CD6: variants seen among roughly 807,000 people sequenced by gnomAD.
CD6 encodes the protein T-cell differentiation antigen CD6.
CD6 carries 53 observed loss-of-function variants against 75.3 expected under a neutral mutation model. That is an observed-to-expected ratio of 0.70 (90% confidence interval 0.56 to 0.88). The LOEUF is 0.88. Ranked by LOEUF, CD6 falls within the 40% of genes least tolerant of loss-of-function variation. The probability of loss-of-function intolerance (pLI) is 0.00; values close to 1 mark genes in which losing one functional copy is unlikely to be tolerated. For missense variants in CD6, 770 were observed against 897.1 expected (o/e 0.86, Z 1.81); for synonymous variants, 359 against 381.5 (o/e 0.94, Z 0.69).
chr11:60,973,205 C>G (rs951895998), intron 1 of CD6, among the ~76,000 whole-genome samples: 1 of 152,214 alleles, frequency 6.6e-6, no homozygotes, highest in Non-Finnish European at 1.5e-5. Flanking sequence ...AGGGGCTGAG[C>G]TAGGCATTGG....
chr11:61,005,184 A>G (rs1167115331), intron 1 of CD6, among the ~76,000 whole-genome samples: 1 of 152,230 alleles, frequency 6.6e-6, no homozygotes, highest in African/African-American at 2.4e-5. Flanking sequence ...GGACTTATTT[A>G]CAGAAGAACT....
At chr11:61,016,766 G>A (rs568155066) in intron 9 of CD6, 2 of 152,478 alleles carry the variant, frequency 1.3e-5, no homozygotes, top group Middle Eastern at 3.4e-3. Flanking sequence ...ATAAAAGCCA[G>A]AATGGATATT....
chr11:61,016,828 G>C (rs1450627461), intron 9 of CD6: 1 of 152,470 alleles, frequency 6.6e-6, no homozygotes, highest in Non-Finnish European at 1.5e-5. Context: ...GCTTCTGGGG[G>C]TGGGACACGG....
In CD6 at chr11:60,975,006, G is replaced by T. The variant is rs1458800877; in HGVS notation, c.49+3092G>T. ...GCTCTGGCTGGCGAGGTCCTCGAGG[G>T]CTGCCTTTGTGTATGAAAAGGCTGT... On this transcript the variant is annotated intron_variant, in intron 1 of 12. Coordinates refer to ENST00000313421, the MANE Select transcript of CD6 (RefSeq NM_006725.5). 2.0e-5 allele frequency among the ~76,000 whole-genome samples: 3 copies of T among 152,266 alleles called. No homozygotes were observed. The South Asian group carries it at 6.2e-4, about 32-fold the overall frequency.
chr11:61,001,593 G>A (rs566259759), intron 1 of CD6, among the ~76,000 whole-genome samples: 2 of 145,782 alleles, frequency 1.4e-5, no homozygotes, highest in Non-Finnish European at 3.1e-5. Context: ...CATATAAATC[G>A]TCCCTTTAGG....
chr11:60,994,059 G>A (rs1193346576), intron 1 of CD6, among the ~76,000 whole-genome samples: 3 of 152,190 alleles, frequency 2.0e-5, no homozygotes, highest in Admixed American at 2.0e-4. Flanking sequence ...ACAGAGAGGA[G>A]GGGAGATGAA....
chr11:61,019,352 G>C lies in CD6; in HGVS notation c.*34G>C. The C allele has an allele frequency of 6.4e-7, 1 of 1,566,984 alleles. No homozygotes were observed. On this transcript the variant is annotated 3_prime_UTR_variant, in exon 13 of 13. Transcript: ENST00000313421. ...CAGCCGAGGCTCCTGGGGTGGCTCTGACCCTCTGGCCTCCTGCTCTACCTA... is the reference window on the plus strand; with the variant it reads ...CAGCCGAGGCTCCTGGGGTGGCTCTCACCCTCTGGCCTCCTGCTCTACCTA...
At chr11:60,984,826 A>C (rs1049479414) in intron 1 of CD6, among the ~76,000 whole-genome samples, 1 of 152,204 alleles carries the variant, frequency 6.6e-6, no homozygotes, top group African/African-American at 2.4e-5. Flanking sequence ...GCAGGGGCGG[A>C]GGCCCTGAGG....
intron 7 of CD6, among the ~76,000 whole-genome samples, 163 bp from the exon 8 acceptor site, chr11:61,013,756 G>A (rs1433228882): frequency 2.0e-5 from 3 of 152,190 alleles, no homozygotes; most frequent in African/African-American, 7.2e-5. Flanking sequence ...CTGTGCATGT[G>A]TGTGTGTGCC....
At chr11:60,982,489 C>A in intron 1 of CD6, 1 of 435,998 alleles carries the variant, frequency 2.3e-6, no homozygotes, top group Non-Finnish European at 4.6e-6. Flanking sequence ...TCACCTCTTT[C>A]AGGAGGGGTG....
Position 61,016,126 on chromosome 11 carries a change from A to G in CD6, c.1510+291A>G, listed in dbSNP as rs1859393765. ...AGACCAGGCCTTTGACATTCACCTG[A>G]AGATGGCTCTCTGTGTGAGAGCGGG... On this transcript the variant is annotated intron_variant, in intron 9 of 12. Transcript: ENST00000313421. Among the ~76,000 whole-genome samples the G allele has an allele frequency of 2.0e-5, 3 of 152,196 alleles. No individual in the cohort carries two copies. The South Asian group carries it at 6.2e-4, about 31-fold the overall frequency.
At chr11:60,987,701 G>T (rs978840757) in intron 1 of CD6, among the ~76,000 whole-genome samples, 2 of 148,418 alleles carry the variant, frequency 1.3e-5, no homozygotes, top group African/African-American at 4.9e-5. Flanking sequence ...TTTGGCAAAG[G>T]CCTGGAAAGA....
At chr11:60,975,181 A>C (rs900112065) in intron 1 of CD6, among the ~76,000 whole-genome samples, 15 of 152,226 alleles carry the variant, frequency 9.9e-5, no homozygotes, top group Admixed American at 4.6e-4. Flanking sequence ...GGCCTTTAAT[A>C]TTTGAGCAAA....
In CD6 at chr11:61,019,179, A is replaced by G. The variant is rs1046813125; in HGVS notation, c.1943-75A>G. 22 of 1,133,878 alleles carry G rather than the reference A, an allele frequency of 1.9e-5. No homozygotes were observed. The African/African-American group carries it at 3.2e-4, about 17-fold the overall frequency. 70.2% of individuals were successfully genotyped at this position (1,133,878 alleles called of 1,614,324 possible). ...ACGGGGATAGTGATGTGGAGCCAGAACCACTCAGCTCCGTCCTGTGGGGCA... is the reference window on the plus strand; with the variant it reads ...ACGGGGATAGTGATGTGGAGCCAGAGCCACTCAGCTCCGTCCTGTGGGGCA... On this transcript the variant is annotated intron_variant, in intron 12 of 12. Transcript: ENST00000313421.
intron 1 of CD6, among the ~76,000 whole-genome samples, chr11:60,975,123 CATATT>C (rs1317911160): frequency 3.6e-5 from 2 of 55,882 alleles, no homozygotes; most frequent in South Asian, 1.4e-3. Flanking sequence ...ACATACTAAT[CATATT>C]TTATTTTATA....
At chr11:61,013,319 T>C (rs1180541728) in intron 6 of CD6, 104 bp from the exon 7 acceptor site, 1 of 1,310,796 alleles carries the variant, frequency 7.6e-7, no homozygotes, top group Non-Finnish European at 1.1e-6. Context: ...AGGAGGAAGA[T>C]AACATAAAAA....
chr11:61,004,079 G>A (rs1263757631), intron 1 of CD6, among the ~76,000 whole-genome samples: 1 of 152,146 alleles, frequency 6.6e-6, no homozygotes, highest in African/African-American at 2.4e-5. Flanking sequence ...TCTGATCTAG[G>A]AGAACACATT....
Position 60,971,917 on chromosome 11 carries a change from A to T in CD6, c.49+3A>T. On this transcript the variant is annotated splice_donor_region_variant and intron_variant, in intron 1 of 12. Coordinates refer to ENST00000313421, the MANE Select transcript of CD6 (RefSeq NM_006725.5). Reference sequence around the variant, plus strand: ...ATTGCTGACGGCAGCCCTCTCAGGTAGGCCCCCTTCCCTCATCTCCTGCCA... The same window carrying T: ...ATTGCTGACGGCAGCCCTCTCAGGTTGGCCCCCTTCCCTCATCTCCTGCCA... 6.2e-7 allele frequency: 1 copy of T among 1,613,832 alleles called. No individual in the cohort carries two copies. Among genetic ancestry groups the T allele is most frequent in the Non-Finnish European group, 8.5e-7 (1 of 1,179,904 alleles).
chr11:60,976,931 C>G (rs1857384981), intron 1 of CD6, among the ~76,000 whole-genome samples: 1 of 152,198 alleles, frequency 6.6e-6, no homozygotes, highest in Non-Finnish European at 1.5e-5. Flanking sequence ...AAGACTTCAT[C>G]TCATAGATAC....
Sources: allele counts gnomAD v4.1 joint callset (sites outside exome capture counted in the v4.1 genomes callset), GRCh38; gene constraint gnomAD v4.1.1; transcripts MANE v1.5; gene names NCBI Gene and HGNC (gene_info 2026-07-23, HGNC 2026-07-21).